Variants in RABGAP1L observed in about 807,000 individuals in gnomAD.
The protein encoded by RABGAP1L is rab GTPase-activating protein 1-like.
A neutral mutation model predicts 137.7 loss-of-function variants in RABGAP1L; 63 were observed. The ratio of observed to expected loss-of-function variants is 0.46; its 90% CI spans 0.37 to 0.56. RABGAP1L has a LOEUF of 0.56. Ranked by LOEUF, RABGAP1L falls within the 20% of genes least tolerant of loss-of-function variation. RABGAP1L has a pLI of 0.00. For missense variants in RABGAP1L, 1,095 were observed against 1,244.0 expected (o/e 0.88, Z 1.80); for synonymous variants, 431 against 433.7 (o/e 0.99, Z 0.08).
At chr1:174,203,565 G>C (rs1160363660) in intron 1 of RABGAP1L, among the ~76,000 whole-genome samples, 1 of 152,104 alleles carries the variant, frequency 6.6e-6, no homozygotes, top group East Asian at 1.9e-4. Context: ...TGTTATTTTT[G>C]CTTAGGATTT....
intron 13 of RABGAP1L, among the ~76,000 whole-genome samples, chr1:174,569,378 T>A (rs373486715): frequency 1.0e-3 from 157 of 152,236 alleles, no homozygotes; most frequent in African/African-American, 3.6e-3. Flanking sequence ...TCATCTTAGA[T>A]CATGAAGGCC....
At chr1:174,503,670 A>AAAAAAG (rs1479855446) in intron 13 of RABGAP1L, among the ~76,000 whole-genome samples, 83 of 151,298 alleles carry the variant, frequency 5.5e-4, no homozygotes, top group Non-Finnish European at 7.7e-4. Flanking sequence ...AAAAAAAAAA[A>AAAAAAG]AAAAAGAAAT....
chr1:174,469,098 T>C (rs986350869), intron 13 of RABGAP1L, among the ~76,000 whole-genome samples: 4 of 152,214 alleles, frequency 2.6e-5, no homozygotes, highest in African/African-American at 9.6e-5. Flanking sequence ...TTTATGTTCA[T>C]GTCTTTTTAT....
intron 18 of RABGAP1L, among the ~76,000 whole-genome samples, chr1:174,788,163 G>A (rs1463645201): frequency 6.6e-6 from 1 of 152,154 alleles, no homozygotes; most frequent in Non-Finnish European, 1.5e-5. Flanking sequence ...ATGTATTATT[G>A]TTTGAACTTC....
chr1:174,610,062 A>G (rs1205587706), intron 13 of RABGAP1L, among the ~76,000 whole-genome samples: 2 of 148,102 alleles, frequency 1.4e-5, no homozygotes, highest in Non-Finnish European at 3.0e-5. Flanking sequence ...AATTTATTTT[A>G]TTATTATTAT....
chr1:174,881,492 CTTTTTTTTT>C (rs751296977), intron 19 of RABGAP1L, among the ~76,000 whole-genome samples: 2 of 85,842 alleles, frequency 2.3e-5, no homozygotes, highest in Admixed American at 1.6e-4. Context: ...ATATCATTTG[CTTTTTTTTT>C]TTTTTTTTTT....
At chr1:174,279,694 A>G (rs533556366) in intron 10 of RABGAP1L, among the ~76,000 whole-genome samples, 4 of 152,144 alleles carry the variant, frequency 2.6e-5, no homozygotes, top group Admixed American at 6.5e-5. Flanking sequence ...CTCAGTTTTT[A>G]TTACTGTGTG....
rs201826079 is a variant in RABGAP1L, at chr1:174,573,369, C to A, written c.1711-64006C>A. Among the ~76,000 whole-genome samples the A allele has an allele frequency of 4.0e-5, 6 of 151,488 alleles. No homozygotes were observed. In the East Asian group the frequency reaches 1.2e-3, roughly 29 times the overall value. ...ATGTTATTTTCCAGTGTCAAGAGAC[C>A]ATTTGAAATTAAATCTGGCTTCAAA... On this transcript the variant is annotated intron_variant, in intron 13 of 25. Transcript: ENST00000681986.
intron 1 of RABGAP1L, among the ~76,000 whole-genome samples, chr1:174,216,365 A>T (rs1477721749): frequency 1.3e-5 from 2 of 152,172 alleles, no homozygotes; most frequent in Non-Finnish European, 2.9e-5. Flanking sequence ...CCCTGATGTG[A>T]TTATTATGCA....
intron 19 of RABGAP1L, among the ~76,000 whole-genome samples, chr1:174,931,998 T>TG (rs1663901538): frequency 1.4e-5 from 2 of 142,212 alleles, no homozygotes; most frequent in Admixed American, 6.9e-5. Context: ...TGGTTTTTTT[T>TG]TTTTTTTTTT....
At chr1:174,610,994 A>G (rs892738363) in intron 13 of RABGAP1L, among the ~76,000 whole-genome samples, 1 of 150,408 alleles carries the variant, frequency 6.6e-6, no homozygotes, top group Non-Finnish European at 1.5e-5. Context: ...ATTTTCTCCC[A>G]TTCTGTAGGT....
intron 13 of RABGAP1L, among the ~76,000 whole-genome samples, chr1:174,541,517 C>T (rs964199787): frequency 6.6e-6 from 1 of 152,172 alleles, no homozygotes; most frequent in African/African-American, 2.4e-5. Context: ...GGCTCACCAC[C>T]TGTAATCCCA....
chr1:174,376,840 G>A (rs1378121083), intron 12 of RABGAP1L, among the ~76,000 whole-genome samples: 2 of 152,082 alleles, frequency 1.3e-5, no homozygotes, highest in African/African-American at 4.8e-5. Flanking sequence ...AGTACTAGAG[G>A]TCTTAGCAAG....
At chr1:174,356,902 A>G (rs762100350) in intron 11 of RABGAP1L, among the ~76,000 whole-genome samples, 3 of 152,160 alleles carry the variant, frequency 2.0e-5, no homozygotes, top group Non-Finnish European at 4.4e-5. Context: ...TACTTCATAT[A>G]TATTTTCATT....
At chr1:174,233,937 G>A (rs1433560485) in intron 4 of RABGAP1L, among the ~76,000 whole-genome samples, 1 of 129,626 alleles carries the variant, frequency 7.7e-6, no homozygotes, top group Non-Finnish European at 1.5e-5. Context: ...GTTGTTTCCT[G>A]ACTTTTTAAT....
At chr1:174,451,657 G>A (rs1655465546) in intron 13 of RABGAP1L, among the ~76,000 whole-genome samples, 1 of 152,010 alleles carries the variant, frequency 6.6e-6, no homozygotes, top group African/African-American at 2.4e-5. Context: ...TTAAATTTTT[G>A]TACCTCTGTC....
In RABGAP1L at chr1:174,825,690, C is replaced by T. The variant is rs1466260870; in HGVS notation, c.2340+13730C>T. 2.6e-5 allele frequency among the ~76,000 whole-genome samples: 4 copies of T among 152,164 alleles called. No individual in the cohort carries two copies. The South Asian group carries it at 6.2e-4, about 24-fold the overall frequency. On this transcript the variant is annotated intron_variant, in intron 19 of 25. Coordinates refer to ENST00000681986, the MANE Select transcript of RABGAP1L (RefSeq NM_001366446.1). ...TTGAGGCCAGGAGTTTGAGACCAGC[C>T]TGGCCAAAATGGCAAAACCCCATCT...
At chr1:174,250,678 T>C (rs561494871) in intron 6 of RABGAP1L, 46 bp downstream of exon 6, 2 of 1,545,716 alleles carry the variant, frequency 1.3e-6, no homozygotes, top group East Asian at 2.3e-5. Context: ...ATCTGGAGTA[T>C]AATATAGGCG....
At chr1:174,213,177 C>G (rs1034664730) in intron 1 of RABGAP1L, among the ~76,000 whole-genome samples, 1 of 152,194 alleles carries the variant, frequency 6.6e-6, no homozygotes, top group African/African-American at 2.4e-5. Context: ...GTAATCCCAG[C>G]ACTTTGGGAG....
Sources: allele counts gnomAD v4.1 joint callset (sites outside exome capture counted in the v4.1 genomes callset), GRCh38; gene constraint gnomAD v4.1.1; transcripts MANE v1.5; gene names NCBI Gene and HGNC (gene_info 2026-07-23, HGNC 2026-07-21).